SRGAP3: variants seen among roughly 807,000 people sequenced by gnomAD.
The protein encoded by SRGAP3 is SLIT-ROBO Rho GTPase-activating protein 3.
SRGAP3 carries 39 observed loss-of-function variants against 121.1 expected under a neutral mutation model. That is an observed-to-expected ratio of 0.32 (90% CI 0.25 to 0.42). The LOEUF is 0.42. Among genes scored for constraint, SRGAP3 ranks in the 10% least tolerant of loss-of-function variants. The probability of loss-of-function intolerance (pLI) is 1.00; values close to 1 mark genes in which losing one functional copy is unlikely to be tolerated. For missense variants in SRGAP3, 1,213 were observed against 1,470.6 expected (o/e 0.82, Z 2.86); for synonymous variants, 601 against 570.0 (o/e 1.05, Z -0.77).
At chr3:9,213,395 G>A (rs1044456213) in intron 1 of SRGAP3, among the ~76,000 whole-genome samples, 1 of 151,682 alleles carries the variant, frequency 6.6e-6, no homozygotes, top group African/African-American at 2.4e-5. Context: ...CTCAGAGCAA[G>A]AAACCAGAAG....
chr3:9,149,616 G>A (rs544122363), intron 1 of SRGAP3, among the ~76,000 whole-genome samples: 1 of 152,192 alleles, frequency 6.6e-6, no homozygotes, highest in Non-Finnish European at 1.5e-5. Flanking sequence ...GCCATCACCA[G>A]CAGCACATGT....
chr3:9,151,501 A>G (rs1950208758), intron 1 of SRGAP3, among the ~76,000 whole-genome samples: 1 of 152,182 alleles, frequency 6.6e-6, no homozygotes, highest in Non-Finnish European at 1.5e-5. Context: ...TAGGAATATT[A>G]ATCTGGCCGA....
intron 1 of SRGAP3, among the ~76,000 whole-genome samples, chr3:9,232,898 T>C (rs1484522778): frequency 6.6e-6 from 1 of 152,236 alleles, no homozygotes; most frequent in Non-Finnish European, 1.5e-5. Context: ...GTGTCATGCC[T>C]GTCTACAACT....
chr3:9,081,125 C>A, intron 3 of SRGAP3: 1 of 349,826 alleles, frequency 2.9e-6, no homozygotes, highest in Non-Finnish European at 5.7e-6. Flanking sequence ...CAGCAGCTGG[C>A]ACCCACTTGG....
At chr3:9,259,827 A>C (rs1249342339) in intron 3 of SRGAP3, among the ~76,000 whole-genome samples, 1 of 140,514 alleles carries the variant, frequency 7.1e-6, no homozygotes, top group Non-Finnish European at 1.6e-5. Context: ...TAATGAGTTT[A>C]AATCTAAATA....
intron 1 of SRGAP3, among the ~76,000 whole-genome samples, chr3:9,341,280 T>TGAA (rs1401240837): frequency 7.4e-6 from 1 of 135,304 alleles, no homozygotes; most frequent in Non-Finnish European, 1.5e-5. Context: ...ATGTGGACAC[T>TGAA]GAAGGTTCCT....
chr3:9,214,696 G>A (rs763191221), intron 1 of SRGAP3, among the ~76,000 whole-genome samples: 5 of 152,162 alleles, frequency 3.3e-5, no homozygotes, highest in African/African-American at 1.2e-4. Flanking sequence ...GTCCTATCTC[G>A]GTTTTGATCT....
chr3:8,994,300 A>T, intron 19 of SRGAP3, 43 bp downstream of exon 19: 1 of 1,611,474 alleles, frequency 6.2e-7, no homozygotes, highest in Non-Finnish European at 8.5e-7. Context: ...AGACATCACT[A>T]ATCTATTTCG....
At chr3:9,072,484 A>T (rs1946766268) in intron 4 of SRGAP3, among the ~76,000 whole-genome samples, 1 of 151,924 alleles carries the variant, frequency 6.6e-6, no homozygotes, top group East Asian at 1.9e-4. Context: ...CTAGAGGGAA[A>T]CCTCTTCCAT....
At chr3:9,199,781 T>C (rs1297405567) in intron 1 of SRGAP3, among the ~76,000 whole-genome samples, 2 of 152,224 alleles carry the variant, frequency 1.3e-5, no homozygotes, top group African/African-American at 4.8e-5. Context: ...ATAAACTATA[T>C]GAGCACTCTA....
At position 8,983,163 on chromosome 3, in the gene SRGAP3, T is replaced by A; in HGVS notation, c.*2356A>T. The stretch of plus-strand genomic sequence containing the variant: ...AGCATCCAGCATGCAAACACATGAC[T>A]TTAAGAGCCTGACGCAGCCTCTGCT... On this transcript the variant is annotated 3_prime_UTR_variant, in exon 22 of 22. Transcript: ENST00000383836. 4.4e-6 allele frequency: 1 copy of A among 227,164 alleles called. No individual in the cohort carries two copies. The highest frequency in any genetic ancestry group is 8.7e-6 in the Non-Finnish European group (1 of 114,352). The allele number at this position is 227,164 out of a possible 1,614,324, so 14.1% of individuals were successfully genotyped here.
intron 1 of SRGAP3, among the ~76,000 whole-genome samples, chr3:9,336,607 G>A (rs1955698009): frequency 1.3e-5 from 2 of 152,142 alleles, no homozygotes; most frequent in African/African-American, 2.4e-5. Context: ...ATAAGAAAAG[G>A]GAGGGCCACA....
chr3:9,058,574 C>G (rs1253904049), intron 6 of SRGAP3, 102 bp from the exon 7 acceptor site: 17 of 1,237,376 alleles, frequency 1.4e-5, no homozygotes, highest in African/African-American at 3.0e-5. Flanking sequence ...CTTTCCACAG[C>G]CGAATCTTCC....
chr3:9,048,421 C>T lies in SRGAP3; in HGVS notation c.1324-946G>A, dbSNP rs137989178. Among the ~76,000 whole-genome samples the T allele has an allele frequency of 5.0e-3, 760 of 152,350 alleles. 3 individuals carry two copies. The highest frequency in any genetic ancestry group is 8.1e-3 in the South Asian group (39 of 4,830). ...TAGGTGCTGAGAAATTTCACTGGAT[C>T]CCTCCCTCTTGAAGCTTACGTGGTG... is the stretch of plus-strand genomic sequence containing the variant. On this transcript the variant is annotated intron_variant, in intron 9 of 21. Coordinates refer to ENST00000383836, the MANE Select transcript of SRGAP3 (RefSeq NM_014850.4).
At chr3:9,347,423 C>T (rs1955910026) in intron 1 of SRGAP3, among the ~76,000 whole-genome samples, 1 of 152,106 alleles carries the variant, frequency 6.6e-6, no homozygotes, top group African/African-American at 2.4e-5. Context: ...ACTGATCTTA[C>T]ATTACAGAAG....
intron 1 of SRGAP3, among the ~76,000 whole-genome samples, chr3:9,129,558 G>C (rs918582934): frequency 6.6e-6 from 1 of 151,648 alleles, no homozygotes; most frequent in Non-Finnish European, 1.5e-5. Flanking sequence ...TGCCAGCCTG[G>C]TGACCCTCTT....
chr3:9,360,783 A>G (rs946679212), intron 1 of SRGAP3, among the ~76,000 whole-genome samples: 4 of 152,200 alleles, frequency 2.6e-5, no homozygotes, highest in African/African-American at 9.6e-5. Context: ...ATCATCTCCC[A>G]CTGGGTCCCT....
chr3:9,340,113 C>T (rs1454981200), intron 1 of SRGAP3, among the ~76,000 whole-genome samples: 5 of 152,134 alleles, frequency 3.3e-5, no homozygotes, highest in African/African-American at 1.2e-4. Context: ...AGGTATCTAC[C>T]ACAGGGACGA....
At chr3:9,092,210 A>T (rs1208141947) in intron 3 of SRGAP3, among the ~76,000 whole-genome samples, 1 of 151,976 alleles carries the variant, frequency 6.6e-6, no homozygotes, top group Admixed American at 6.6e-5. Context: ...AACAGGCCTG[A>T]GGAAGTCCAA....
Sources: gnomAD v4.1 joint callset for allele counts (sites outside exome capture counted in the v4.1 genomes callset) on GRCh38, gnomAD v4.1.1 for gene constraint, MANE v1.5 for transcripts, NCBI Gene and HGNC (gene_info 2026-07-23, HGNC 2026-07-21) for gene names.